LRIG3: variants seen among roughly 807,000 people sequenced by gnomAD.
LRIG3 encodes leucine-rich repeats and immunoglobulin-like domains protein 3.
A neutral mutation model predicts 114.5 loss-of-function variants in LRIG3; 76 were observed. That is an observed-to-expected ratio of 0.66 (90% confidence interval 0.55 to 0.80). The LOEUF is 0.80. LRIG3 is among the 30% of genes least tolerant of loss of function. The probability of loss-of-function intolerance (pLI) is 0.00; values close to 1 mark genes in which losing one functional copy is unlikely to be tolerated. For synonymous variants in LRIG3, 512 were observed against 519.8 expected, an observed-to-expected ratio of 0.98 and a Z score of 0.20; for missense variants, 1,239 against 1,382.8, an observed-to-expected ratio of 0.90 and a Z score of 1.65.
chr12:58,896,632 CT>C (rs1292204355), intron 3 of LRIG3, among the ~76,000 whole-genome samples: 1 of 152,124 alleles, frequency 6.6e-6, no homozygotes, highest in Non-Finnish European at 1.5e-5. Context: ...CAGCATTTGC[CT>C]TTTAGAGGAT....
rs752396675 is a variant in LRIG3 at position 58,877,746 on chromosome 12, C to A, written c.2190G>T (p.Trp730Cys). Reference protein sequence around the residue: ...AGGSPPPKLNWTKDDSPLVVT... With the variant: ...AGGSPPPKLNCTKDDSPLVVT... ...CCACCAATGGGCTATCATCTTTGGT[C>A]CAGTTCAGTTTAGGGGGAGGGCTTC... Residue 730 changes from tryptophan to cysteine, a missense_variant, in exon 15 of 19, where the codon TGG (tryptophan) becomes TGT (cysteine). Transcript: ENST00000320743. 1 of 1,614,192 alleles carries A rather than the reference C, an allele frequency of 6.2e-7. No homozygotes were observed. Among genetic ancestry groups the A allele is most frequent in the South Asian group, 1.1e-5 (1 of 91,080 alleles).
chr12:58,877,761 G>C lies in LRIG3; in HGVS notation c.2175C>G (p.Pro725=), dbSNP rs753587570. The C allele has an allele frequency of 1.2e-5, 20 of 1,614,178 alleles. No individual in the cohort carries two copies. In the Admixed American group the frequency reaches 2.8e-4, roughly 23 times the overall value. Residue 725 remains proline (P), a synonymous_variant, in exon 15 of 19, where the codon CCC becomes CCG. Coordinates refer to ENST00000320743, the MANE Select transcript of LRIG3 (RefSeq NM_153377.5). ...CATCTTTGGTCCAGTTCAGTTTAGG[G>C]GGAGGGCTTCCTCCAGCAATGCACT... ...VLQCIAGGSP[P]PKLNWTKDDS...
At chr12:58,880,412 A>G (rs1270102845) in intron 13 of LRIG3, 169 bp downstream of exon 13, 1 of 757,642 alleles carries the variant, frequency 1.3e-6, no homozygotes, top group Admixed American at 2.0e-5. Context: ...GCAGGTTTAG[A>G]TACAAATAAC....
intron 3 of LRIG3, among the ~76,000 whole-genome samples, chr12:58,897,701 T>C (rs998016123): frequency 1.3e-5 from 2 of 152,186 alleles, no homozygotes. Flanking sequence ...TTCATGTAAA[T>C]GGAAATTTGA....
intron 6 of LRIG3, 88 bp downstream of exon 6, chr12:58,888,731 A>T: frequency 6.7e-7 from 1 of 1,496,944 alleles, no homozygotes; most frequent in Non-Finnish European, 9.0e-7. Flanking sequence ...AGATTTTAAC[A>T]TAGGATTTCA....
At chr12:58,904,862 T>G (rs1036146296) in intron 3 of LRIG3, among the ~76,000 whole-genome samples, 14 of 152,116 alleles carry the variant, frequency 9.2e-5, no homozygotes, top group African/African-American at 3.1e-4. Flanking sequence ...TTCATTTTGG[T>G]GGGGGAAACT....
chr12:58,891,816 C>T (rs752975392), intron 3 of LRIG3, among the ~76,000 whole-genome samples: 11 of 152,122 alleles, frequency 7.2e-5, no homozygotes, highest in Non-Finnish European at 1.3e-4. Flanking sequence ...CAGACCATGA[C>T]GTCCAGTATG....
intron 13 of LRIG3, among the ~76,000 whole-genome samples, chr12:58,879,865 G>A (rs1180776194): frequency 6.6e-6 from 1 of 152,220 alleles, no homozygotes; most frequent in African/African-American, 2.4e-5. Context: ...TGGAGGCGGA[G>A]AAGTGAAGCA....
chr12:58,917,608 G>T (rs1488890637), intron 1 of LRIG3, among the ~76,000 whole-genome samples: 1 of 152,060 alleles, frequency 6.6e-6, no homozygotes, highest in East Asian at 1.9e-4. Flanking sequence ...TCACACATGG[G>T]ACTCCTATAG....
At chr12:58,907,360 A>C (rs573780245) in intron 3 of LRIG3, among the ~76,000 whole-genome samples, 1 of 152,326 alleles carries the variant, frequency 6.6e-6, no homozygotes, top group East Asian at 1.9e-4. Flanking sequence ...GTACCCACCA[A>C]AATTATTAGG....
At position 58,890,036 on chromosome 12, in the gene LRIG3, T is replaced by G; in HGVS notation, c.619A>C (p.Ile207Leu). Residue 207 changes from isoleucine (I) to leucine (L), a missense_variant, in exon 5 of 19, where the codon ATC (isoleucine) becomes CTC (leucine). Transcript: ENST00000320743. ...GGCAGTTTAAACATCTTGGGTGGGA[T>G]AGCTGAGATTCGGTTCCTGTTCAGC... ...LKLNRNRISA[I>L]PPKMFKLPQL... 1 of 1,613,910 alleles carries G rather than the reference T, an allele frequency of 6.2e-7. No individual in the cohort carries two copies. Among genetic ancestry groups the G allele is most frequent in the Non-Finnish European group, 8.5e-7 (1 of 1,179,866 alleles).
intron 1 of LRIG3, 183 bp from the exon 2 acceptor site, chr12:58,914,519 T>C: frequency 1.8e-6 from 1 of 558,906 alleles, no homozygotes; most frequent in Non-Finnish European, 3.2e-6. Flanking sequence ...AGGACAAAAT[T>C]AGTTTAGGGA....
Position 58,874,054 on chromosome 12 carries a change from C to CTCGAGGCAA in LRIG3, c.3115_3115+1insTTGCCTCGA (p.Gly1039delinsValAlaSerSer). 1 of 1,614,108 alleles carries CTCGAGGCAA rather than the reference C, an allele frequency of 6.2e-7. No homozygotes were observed. Among genetic ancestry groups the CTCGAGGCAA allele is most frequent in the Non-Finnish European group, 8.5e-7 (1 of 1,180,002 alleles). On this transcript the variant is annotated protein_altering_variant and splice_region_variant. Transcript: ENST00000320743. ...GGTACCTGATAACTTAATAAACTTACCCATGAAAGAATTACTCGAGGCAAC... is the reference window on the plus strand; with the variant it reads ...GGTACCTGATAACTTAATAAACTTACTCGAGGCAACCATGAAAGAATTACTCGAGGCAAC...
intron 3 of LRIG3, among the ~76,000 whole-genome samples, chr12:58,898,456 G>T (rs183301568): frequency 2.6e-5 from 4 of 152,210 alleles, no homozygotes; most frequent in Admixed American, 1.3e-4. Context: ...CCCTCTTGGG[G>T]GTTTCTTTCA....
chr12:58,876,321 G>A, intron 16 of LRIG3, 124 bp downstream of exon 16: 2 of 970,174 alleles, frequency 2.1e-6, no homozygotes, highest in Admixed American at 2.6e-5. Flanking sequence ...AACCTTGCTA[G>A]TGATCTTGGG....
At chr12:58,905,331 T>C (rs185773007) in intron 3 of LRIG3, among the ~76,000 whole-genome samples, 1 of 152,332 alleles carries the variant, frequency 6.6e-6, no homozygotes, top group East Asian at 1.9e-4. Flanking sequence ...ACTTACAGTG[T>C]TTGTCACAAA....
In LRIG3 at chr12:58,888,336, T is replaced by A. The variant is rs1470401759; in HGVS notation, c.940A>T (p.Ser314Cys). 6.2e-7 allele frequency: 1 copy of A among 1,612,986 alleles called. No homozygotes were observed. Among genetic ancestry groups the A allele is most frequent in the Admixed American group, 1.7e-5 (1 of 59,954 alleles). The change falls in exon 7 of 19, where the codon AGT becomes TGT. Residue 314 changes from serine to cysteine, a missense_variant. Transcript: ENST00000320743. ...AAATAAAAGGCAACTCACAGCTCAC[T>A]GAGCTTCTGGCAGAACTCCCAGGCA... ...PDAWEFCQKLSELDLTFNHLS... is the reference protein window; with the variant it reads ...PDAWEFCQKLCELDLTFNHLS...
At chr12:58,884,992 T>G (rs1399886599) in intron 10 of LRIG3, among the ~76,000 whole-genome samples, 1 of 152,184 alleles carries the variant, frequency 6.6e-6, no homozygotes, top group Non-Finnish European at 1.5e-5. Context: ...CCTATCAATG[T>G]TAGCTAGCTT....
intron 9 of LRIG3, among the ~76,000 whole-genome samples, 156 bp from the exon 10 acceptor site, chr12:58,886,058 C>T (rs1459377262): frequency 2.0e-5 from 3 of 152,144 alleles, no homozygotes; most frequent in Non-Finnish European, 2.9e-5. Flanking sequence ...CCATCTATTT[C>T]AATAATGTAG....
Sources: gnomAD v4.1 joint callset for allele counts (sites outside exome capture counted in the v4.1 genomes callset) on GRCh38, gnomAD v4.1.1 for gene constraint, MANE v1.5 for transcripts, NCBI Gene and HGNC (gene_info 2026-07-23, HGNC 2026-07-21) for gene names.